UNC80: variants seen among roughly 807,000 people sequenced by gnomAD.
UNC80 encodes protein unc-80 homolog.
Under a neutral mutation model 384.6 loss-of-function variants are expected in UNC80, and 164 were observed. The ratio of observed to expected loss-of-function variants is 0.43; its 90% CI spans 0.38 to 0.49. UNC80 has a LOEUF of 0.49. UNC80 is among the 20% of genes least tolerant of loss of function. The probability of loss-of-function intolerance (pLI) is 0.00; values close to 1 mark genes in which losing one functional copy is unlikely to be tolerated. For missense variants in UNC80, 3,330 were observed against 4,143.0 expected, an observed-to-expected ratio of 0.80 and a Z score of 5.39; for synonymous variants, 1,486 against 1,527.8, an observed-to-expected ratio of 0.97 and a Z score of 0.64.
chr2:209,784,844 T>G (rs1574429993), intron 4 of UNC80, among the ~76,000 whole-genome samples: 1 of 152,334 alleles, frequency 6.6e-6, no homozygotes, highest in East Asian at 1.9e-4. Context: ...TTTATGTGCT[T>G]TTCTAATACT....
intron 22 of UNC80, among the ~76,000 whole-genome samples, chr2:209,853,420 G>GT (rs904295846): frequency 1.1e-3 from 173 of 151,648 alleles, no homozygotes; most frequent in Non-Finnish European, 2.1e-3. Flanking sequence ...TTGCTGACCT[G>GT]TTTTTTTTGT....
intron 10 of UNC80, among the ~76,000 whole-genome samples, chr2:209,817,418 T>C (rs1040421738): frequency 6.6e-6 from 1 of 151,224 alleles, no homozygotes; most frequent in Non-Finnish European, 1.5e-5. Flanking sequence ...TTAATTTCCA[T>C]TGTGAATCTA....
Position 209,982,306 on chromosome 2 carries a change from A to C in UNC80, c.9246A>C (p.Leu3082=), listed in dbSNP as rs1381586318. The C allele has an allele frequency of 1.9e-6, 3 of 1,551,204 alleles. No homozygotes were observed. The highest frequency in any genetic ancestry group is 2.6e-6 in the Non-Finnish European group (3 of 1,146,786). The stretch of plus-strand genomic sequence containing the variant: ...TACCTCAGGCTGAGGTGGGCATGCT[A>C]CCCAGCCAGAGGTAAACAGCTATGG... ...MSVPQAEVGM[L]PSQSEPNVLD... Residue 3082 remains leucine (L), a synonymous_variant, in exon 60 of 65, where the codon CTA becomes CTC. Transcript: ENST00000673920.
At chr2:209,886,721 C>T (rs1158702552) in intron 25 of UNC80, among the ~76,000 whole-genome samples, 3 of 152,190 alleles carry the variant, frequency 2.0e-5, no homozygotes, top group Non-Finnish European at 4.4e-5. Flanking sequence ...GCTGAACTGC[C>T]TTTCCCCACT....
At chr2:209,826,987 C>CATCT (rs567993337) in intron 14 of UNC80, among the ~76,000 whole-genome samples, 90 of 152,090 alleles carry the variant, frequency 5.9e-4, no homozygotes, top group South Asian at 5.2e-3. Flanking sequence ...CATCATCTCT[C>CATCT]ATCTATCTAT....
At position 209,839,934 on chromosome 2, in the gene UNC80, G is replaced by A. The variant is rs1055007840; in HGVS notation, c.3250+504G>A. 1.3e-5 allele frequency among the ~76,000 whole-genome samples: 2 copies of A among 152,150 alleles called. No homozygotes were observed. Among genetic ancestry groups the A allele is most frequent in the East Asian group, 3.9e-4 (2 of 5,192 alleles). On this transcript the variant is annotated intron_variant, in intron 19 of 64. Coordinates refer to ENST00000673920, the MANE Select transcript of UNC80 (RefSeq NM_001371986.1). This position sits in a 1 kb window ranked among gnomAD's most constrained non-coding sequence, Gnocchi z 4.1. The stretch of plus-strand genomic sequence containing the variant: ...ACTCCAGGTAGCCATTATTTGCAAA[G>A]ATATTAGGAGGCTGAAGGGAAGTGA...
At chr2:209,944,717 A>G (rs560203496) in intron 45 of UNC80, among the ~76,000 whole-genome samples, 2 of 152,338 alleles carry the variant, frequency 1.3e-5, no homozygotes, top group East Asian at 3.9e-4. Flanking sequence ...GTAGTATTCA[A>G]CCAATCAATT....
At position 209,918,649 on chromosome 2, in the gene UNC80, A is replaced by C. The variant is rs1420676131; in HGVS notation, c.5329A>C (p.Asn1777His). 1.3e-6 allele frequency: 2 copies of C among 1,548,280 alleles called. No homozygotes were observed. The highest frequency in any genetic ancestry group is 4.9e-5 in the East Asian group (2 of 40,878). The change falls in exon 33 of 65, where the codon AAT becomes CAT. Residue 1777 changes from asparagine to histidine, a missense_variant. Coordinates refer to ENST00000673920, the MANE Select transcript of UNC80 (RefSeq NM_001371986.1). ...CAGCGGGAGTGTCCAGGACCCCATTAATGAAGACCAGTCTGTGAGTAACAG... is the reference window on the plus strand; with the variant it reads ...CAGCGGGAGTGTCCAGGACCCCATTCATGAAGACCAGTCTGTGAGTAACAG... ...QCSGSVQDPINEDQSKSFSAR... is the reference protein window; with the variant it reads ...QCSGSVQDPIHEDQSKSFSAR...
rs372094408 is a variant in UNC80, at chr2:209,918,537, G to A, written c.5217G>A (p.Pro1739=). The A allele has an allele frequency of 2.7e-5, 42 of 1,551,582 alleles. No homozygotes were observed. In the African/African-American group the frequency reaches 4.1e-4, roughly 15 times the overall value. The change falls in exon 33 of 65, where the codon CCG becomes CCA. Residue 1739 remains proline (P), a synonymous_variant. Transcript: ENST00000673920. The part of the protein sequence containing the change: ...EEGAQQIFKI[P]PPSINFTLPS... ...TTTCTGATGTCAACTAACAGATTCC[G>A]CCTCCCAGTATCAATTTCACCCTTC...
Position 209,815,294 on chromosome 2 carries a change from T to C in UNC80, c.1238T>C (p.Leu413Pro). 6.4e-7 allele frequency: 1 copy of C among 1,551,492 alleles called. No homozygotes were observed. Among genetic ancestry groups the C allele is most frequent in the South Asian group, 1.2e-5 (1 of 84,058 alleles). ...TMKCNEEEKS[L>P]SSEAFSKVSL... ...AAGTGTAACGAGGAGGAAAAATCTC[T>C]TAGCTCTGAGGCCTTTTCCAAGGTT... The change falls in exon 9 of 65, where the codon CTT (leucine) becomes CCT (proline). Residue 413 changes from leucine (L) to proline (P), a missense_variant. Transcript: ENST00000673920.
chr2:209,772,019 G>A lies in UNC80; in HGVS notation c.-54G>A. ...GCAGCGGGAGGAGGCGGCGGCGGCGGCTAGCGAGGAGACAGAGCTGGGTCC... is the reference window on the plus strand; with the variant it reads ...GCAGCGGGAGGAGGCGGCGGCGGCGACTAGCGAGGAGACAGAGCTGGGTCC... On this transcript the variant is annotated 5_prime_UTR_variant, in exon 1 of 65. Coordinates refer to ENST00000673920, the MANE Select transcript of UNC80 (RefSeq NM_001371986.1). 2.2e-6 allele frequency: 3 copies of A among 1,355,442 alleles called. No individual in the cohort carries two copies. The highest frequency in any genetic ancestry group is 3.1e-6 in the Non-Finnish European group (3 of 971,768). The allele number at this position is 1,355,442 out of a possible 1,614,324, so 84.0% of individuals were successfully genotyped here. A position where few individuals can be genotyped will look rare whatever the true frequency, so the allele number is the denominator to read the frequency against.
intron 47 of UNC80, among the ~76,000 whole-genome samples, chr2:209,952,778 G>A (rs1308460546): frequency 6.6e-6 from 1 of 152,142 alleles, no homozygotes; most frequent in Non-Finnish European, 1.5e-5. Context: ...TTAGTCTGCA[G>A]CAAGGTACTT....
intron 23 of UNC80, among the ~76,000 whole-genome samples, chr2:209,876,345 G>T (rs1340710816): frequency 6.6e-6 from 1 of 152,096 alleles, no homozygotes; most frequent in Non-Finnish European, 1.5e-5. Flanking sequence ...TCAACTTTAT[G>T]TTCTATTTAA....
intron 36 of UNC80, 109 bp downstream of exon 36, chr2:209,927,095 T>C: frequency 8.6e-7 from 1 of 1,158,188 alleles, no homozygotes; most frequent in Admixed American, 2.4e-5. Flanking sequence ...TGTTGAACTG[T>C]TTTATGCACA....
intron 32 of UNC80, 50 bp downstream of exon 32, chr2:209,918,008 G>T (rs1575010286): frequency 6.5e-7 from 1 of 1,532,852 alleles, no homozygotes; most frequent in East Asian, 2.5e-5. Context: ...CCAACCCAAG[G>T]TTTGTTTAAA....
intron 35 of UNC80, among the ~76,000 whole-genome samples, chr2:209,926,255 ATT>A (rs2090427884): frequency 6.6e-6 from 1 of 152,148 alleles, no homozygotes; most frequent in African/African-American, 2.4e-5. Context: ...TTTTATCTTC[ATT>A]AATTTAATAT....
chr2:209,803,709 A>G (rs1440600742), intron 7 of UNC80, among the ~76,000 whole-genome samples: 2 of 151,834 alleles, frequency 1.3e-5, no homozygotes, highest in Non-Finnish European at 2.9e-5. Context: ...TCATATCCTT[A>G]TCATTTCTTA....
In UNC80 at chr2:209,840,565, C is replaced by T. The variant is rs2153829282; in HGVS notation, c.3274C>T (p.Leu1092Phe). The change falls in exon 20 of 65, where the codon CTC becomes TTC. Residue 1092 changes from leucine to phenylalanine, a missense_variant. Coordinates refer to ENST00000673920, the MANE Select transcript of UNC80 (RefSeq NM_001371986.1). Reference protein sequence around the residue: ...PIGNWLKRSSLSGLADGVEDL... With the variant: ...PIGNWLKRSSFSGLADGVEDL... ...AGGGAACTGGCTGAAGAGATCATCC[C>T]TCTCAGGCCTGGCAGATGGTGTGGA... 1.3e-6 allele frequency: 2 copies of T among 1,551,774 alleles called. No individual in the cohort carries two copies. The highest frequency in any genetic ancestry group is 1.7e-6 in the Non-Finnish European group (2 of 1,146,966).
Position 209,839,097 on chromosome 2 carries a change from T to G in UNC80, c.3042-125T>G. On this transcript the variant is annotated intron_variant, in intron 18 of 64. Transcript: ENST00000673920. This position sits in a 1 kb window ranked among gnomAD's most constrained non-coding sequence, Gnocchi z 4.1. ...CACTTCAATGCCCACTCTTCCCACATTTCAGCCCATCAAAGATCATTTTGC... is the reference window on the plus strand; with the variant it reads ...CACTTCAATGCCCACTCTTCCCACAGTTCAGCCCATCAAAGATCATTTTGC... The G allele has an allele frequency of 1.2e-6, 1 of 840,334 alleles. No individual in the cohort carries two copies. Among genetic ancestry groups the G allele is most frequent in the Non-Finnish European group, 1.8e-6 (1 of 541,032 alleles). The allele number at this position is 840,334 out of a possible 1,614,324, so 52.1% of individuals were successfully genotyped here. A position where few individuals can be genotyped will look rare whatever the true frequency, so the allele number is the denominator to read the frequency against.
Sources: gnomAD v4.1 joint callset for allele counts (sites outside exome capture counted in the v4.1 genomes callset) on GRCh38, gnomAD v4.1.1 for gene constraint, Gnocchi (gnomAD v3.1) non-coding constraint, MANE v1.5 for transcripts, NCBI Gene and HGNC (gene_info 2026-07-23, HGNC 2026-07-21) for gene names.